Variants in RAPGEF4 observed in about 807,000 individuals in gnomAD.
The protein encoded by RAPGEF4 is RAP guanine-nucleotide-exchange factor (GEF) 4.
A neutral mutation model predicts 147.9 loss-of-function variants in RAPGEF4; 66 were observed. That is an observed-to-expected ratio of 0.45 (90% CI 0.37 to 0.55). The LOEUF (loss-of-function observed/expected upper bound fraction) is 0.55. Among genes scored for constraint, RAPGEF4 ranks in the 20% least tolerant of loss-of-function variants. The pLI, the probability that RAPGEF4 is intolerant of heterozygous loss-of-function variation, is 0.00. For missense variants in RAPGEF4, 1,071 were observed against 1,257.3 expected (o/e 0.85, Z 2.24); for synonymous variants, 419 against 442.7 (o/e 0.95, Z 0.67).
At chr2:172,935,777 G>A (rs1222124196) in intron 6 of RAPGEF4, among the ~76,000 whole-genome samples, 1 of 152,156 alleles carries the variant, frequency 6.6e-6, no homozygotes, top group African/African-American at 2.4e-5. Context: ...AGATTAACAA[G>A]GTTTGATCTT....
intron 1 of RAPGEF4, among the ~76,000 whole-genome samples, chr2:172,763,952 T>TA (rs1184569265): frequency 6.6e-6 from 1 of 152,044 alleles, no homozygotes; most frequent in Non-Finnish European, 1.5e-5. Flanking sequence ...ACTTAACCTA[T>TA]AAAAAGTAAT....
chr2:173,036,444 A>T (rs1575578067), intron 28 of RAPGEF4, among the ~76,000 whole-genome samples, 184 bp from the exon 29 acceptor site: 1 of 152,230 alleles, frequency 6.6e-6, no homozygotes, highest in Non-Finnish European at 1.5e-5. Flanking sequence ...TAGTTTAAAA[A>T]TTTTACTACT....
At chr2:172,981,309 T>TA (rs1691656868) in intron 10 of RAPGEF4, among the ~76,000 whole-genome samples, 1 of 152,222 alleles carries the variant, frequency 6.6e-6, no homozygotes, top group Admixed American at 6.5e-5. Context: ...ACTTTCGCAT[T>TA]AGCTGCCTCT....
intron 1 of RAPGEF4, among the ~76,000 whole-genome samples, chr2:172,782,228 T>A (rs1684751740): frequency 6.6e-6 from 1 of 152,358 alleles, no homozygotes; most frequent in South Asian, 2.1e-4. Context: ...TTGGAGAAAG[T>A]CTTTGTCAAA....
At chr2:172,936,937 C>T (rs1686636028) in intron 6 of RAPGEF4, among the ~76,000 whole-genome samples, 1 of 140,734 alleles carries the variant, frequency 7.1e-6, no homozygotes, top group African/African-American at 2.6e-5. Flanking sequence ...TGGTAGCTCA[C>T]ACTTGTAATC....
At position 173,033,933 on chromosome 2, in the gene RAPGEF4, A is replaced by G; in HGVS notation, c.2669A>G (p.Lys890Arg). 6.2e-7 allele frequency: 1 copy of G among 1,613,338 alleles called. No homozygotes were observed. Among genetic ancestry groups the G allele is most frequent in the Non-Finnish European group, 8.5e-7 (1 of 1,179,802 alleles). Residue 890 changes from lysine to arginine, a missense_variant, in exon 27 of 31, where the codon AAG (lysine) becomes AGG (arginine). Physicochemically the swap from Lys to Arg is conservative, Grantham distance 26. Transcript: ENST00000397081. ...LTWEKLPSKF[K>R]KFYAEFESLM... The stretch of plus-strand genomic sequence containing the variant: ...TAACAGAAACTGCCAAGCAAGTTCA[A>G]GAAGTTCTATGCGGAGTTTGAAAGT...
chr2:172,876,354 T>G (rs964218223), intron 4 of RAPGEF4, among the ~76,000 whole-genome samples: 27 of 152,310 alleles, frequency 1.8e-4, no homozygotes, highest in African/African-American at 6.3e-4. Flanking sequence ...CTTCCAGTTT[T>G]TGCCCATTCA....
At chr2:172,887,684 C>T (rs1040977901) in intron 4 of RAPGEF4, among the ~76,000 whole-genome samples, 6 of 152,178 alleles carry the variant, frequency 3.9e-5, no homozygotes, top group African/African-American at 1.4e-4. Flanking sequence ...CTTTGCTGAT[C>T]GCTGCTGCAG....
chr2:172,959,759 T>C (rs916301273), intron 6 of RAPGEF4, among the ~76,000 whole-genome samples: 1 of 152,148 alleles, frequency 6.6e-6, no homozygotes, highest in African/African-American at 2.4e-5. Context: ...GTGGAAGTAA[T>C]TTTTCTGGGA....
intron 4 of RAPGEF4, among the ~76,000 whole-genome samples, chr2:172,895,475 C>T (rs1450344934): frequency 1.3e-5 from 2 of 152,192 alleles, no homozygotes; most frequent in South Asian, 2.1e-4. Context: ...CTGAAATAAA[C>T]TGCATTTGTT....
At chr2:172,856,381 G>C (rs926588416) in intron 4 of RAPGEF4, among the ~76,000 whole-genome samples, 3 of 152,130 alleles carry the variant, frequency 2.0e-5, no homozygotes, top group African/African-American at 7.2e-5. Context: ...CTGCTTTAAA[G>C]TCTTTGTTAA....
intron 10 of RAPGEF4, among the ~76,000 whole-genome samples, chr2:172,972,863 G>C (rs1400614816): frequency 6.6e-6 from 1 of 152,040 alleles, no homozygotes; most frequent in South Asian, 2.1e-4. Flanking sequence ...AGTTAAAAAA[G>C]AAGAAAAAAT....
chr2:173,015,594 G>T (rs902896022), intron 18 of RAPGEF4, among the ~76,000 whole-genome samples: 2 of 152,168 alleles, frequency 1.3e-5, no homozygotes, highest in Non-Finnish European at 2.9e-5. Context: ...GTAGCTTGGG[G>T]TCATACATTG....
intron 4 of RAPGEF4, among the ~76,000 whole-genome samples, chr2:172,818,147 G>A (rs538016695): frequency 5.3e-4 from 80 of 151,698 alleles, no homozygotes; most frequent in Admixed American, 1.6e-3. Context: ...AGGATGCAAA[G>A]GCGTAAGAAT....
chr2:172,970,132 A>T (rs559845072), intron 10 of RAPGEF4, among the ~76,000 whole-genome samples: 2 of 150,664 alleles, frequency 1.3e-5, no homozygotes, highest in South Asian at 4.2e-4. Flanking sequence ...AAGGAATCTA[A>T]TTTTGGGAGA....
chr2:172,752,761 A>T (rs987314438), intron 1 of RAPGEF4, among the ~76,000 whole-genome samples: 2 of 152,262 alleles, frequency 1.3e-5, no homozygotes, highest in African/African-American at 4.8e-5. Flanking sequence ...TATAAGGCAT[A>T]GCCAAATCTG....
At chr2:172,874,876 G>T (rs1413171283) in intron 4 of RAPGEF4, among the ~76,000 whole-genome samples, 2 of 152,186 alleles carry the variant, frequency 1.3e-5, no homozygotes, top group Non-Finnish European at 2.9e-5. Flanking sequence ...GTGTAAAAGT[G>T]TTCCTATTTC....
intron 29 of RAPGEF4, among the ~76,000 whole-genome samples, chr2:173,040,179 A>C (rs1209283120): frequency 6.7e-6 from 1 of 148,452 alleles, no homozygotes; most frequent in Non-Finnish European, 1.5e-5. Context: ...CAAGAGCAAG[A>C]CTCCATCTCA....
At chr2:172,990,566 ACCACACTAT>A in intron 14 of RAPGEF4, among the ~76,000 whole-genome samples, 1 of 152,184 alleles carries the variant, frequency 6.6e-6, no homozygotes, top group Non-Finnish European at 1.5e-5. Flanking sequence ...TCAGAGCATA[ACCACACTAT>A]GCTTTATTCT....
Sources: gnomAD v4.1 joint callset for allele counts (sites outside exome capture counted in the v4.1 genomes callset) on GRCh38, gnomAD v4.1.1 for gene constraint, MANE v1.5 for transcripts, NCBI Gene and HGNC (gene_info 2026-07-23, HGNC 2026-07-21) for gene names.